The following PCM1 variants were observed in gnomAD, a reference collection of about 807,000 sequenced individuals.
The protein encoded by PCM1 is pericentriolar material 1, also known as pericentriolar material 1 protein.
Under a neutral mutation model 241.9 loss-of-function variants are expected in PCM1, and 157 were observed. The observed-to-expected ratio is 0.65, with a 90% CI of 0.57 to 0.74. The LOEUF is 0.74. Ranked by LOEUF, PCM1 falls within the 30% of genes least tolerant of loss-of-function variation. The probability of loss-of-function intolerance (pLI) is 0.00; values close to 1 mark genes in which losing one functional copy is unlikely to be tolerated. For missense variants in PCM1, 3,478 were observed against 2,360.1 expected, an observed-to-expected ratio of 1.47 and a Z score of -9.81; for synonymous variants, 1,085 against 784.9, an observed-to-expected ratio of 1.38 and a Z score of -6.39.
At chr8:17,947,416 G>A in intron 7 of PCM1, 53 bp downstream of exon 7, 2 of 1,246,472 alleles carry the variant, frequency 1.6e-6, no homozygotes, top group East Asian at 2.4e-5. Flanking sequence ...ATACATAATT[G>A]TATTGCAGGG....
intron 7 of PCM1, 95 bp from the exon 8 acceptor site, chr8:17,950,520 T>A: frequency 1.5e-6 from 1 of 687,912 alleles, no homozygotes; most frequent in Non-Finnish European, 2.5e-6. Flanking sequence ...TGTGAGCTTT[T>A]TAAATTCTTT....
chr8:17,947,277 A>G lies in PCM1; in HGVS notation c.875A>G (p.Gln292Arg). The G allele has an allele frequency of 6.2e-7, 1 of 1,612,246 alleles. No homozygotes were observed. The highest frequency in any genetic ancestry group is 8.5e-7 in the Non-Finnish European group (1 of 1,178,418). ...AAAAGAATGTTACAACAGCAGGAGCAACTAAGAGCTCTACAGGGACGGCAG... is the reference window on the plus strand; with the variant it reads ...AAAAGAATGTTACAACAGCAGGAGCGACTAAGAGCTCTACAGGGACGGCAG... ...LLKRMLQQQE[Q>R]LRALQGRQAA... The change falls in exon 7 of 39, where the codon CAA becomes CGA. Residue 292 changes from glutamine (Q) to arginine (R), a missense_variant. Physicochemically the swap from Gln to Arg is conservative, Grantham distance 43 (BLOSUM62 1). Transcript: ENST00000325083.
rs1259844259 is a variant in PCM1, at chr8:17,941,169, A to G, written c.783+1308A>G. Among the ~76,000 whole-genome samples, 3 of 152,094 alleles carry G rather than the reference A, an allele frequency of 2.0e-5. No homozygotes were observed. The East Asian group carries it at 5.8e-4, about 29-fold the overall frequency. On this transcript the variant is annotated intron_variant, in intron 6 of 38. Coordinates refer to ENST00000325083, the MANE Select transcript of PCM1 (RefSeq NM_006197.4). ...TTTACTGTGGGGAAATTCTTTTTCT[A>G]TTTACAGTGGTGCGAGGCATAATTT...
chr8:18,000,054 T>A (rs2088705438), intron 29 of PCM1, among the ~76,000 whole-genome samples: 1 of 152,154 alleles, frequency 6.6e-6, no homozygotes, highest in Admixed American at 6.5e-5. Context: ...AATTAAAATT[T>A]GGTGATATGA....
chr8:17,928,863 C>T (rs2058051741), intron 2 of PCM1, among the ~76,000 whole-genome samples: 1 of 151,982 alleles, frequency 6.6e-6, no homozygotes, highest in East Asian at 1.9e-4. Flanking sequence ...AACTCCTGAC[C>T]TTAGATGACT....
chr8:17,928,150 C>T (rs1225046399), intron 2 of PCM1, among the ~76,000 whole-genome samples: 1 of 152,164 alleles, frequency 6.6e-6, no homozygotes, highest in African/African-American at 2.4e-5. Context: ...TCTTATCTTA[C>T]TGTCTTTCTG....
chr8:17,953,090 A>G lies in PCM1; in HGVS notation c.1192A>G (p.Ser398Gly). Reference sequence around the variant, plus strand: ...ACCTGATGAGAAAGTCGAACTTTTTAGCAAAATGAGAGTGCTACAGGAAAA... The same window carrying G: ...ACCTGATGAGAAAGTCGAACTTTTTGGCAAAATGAGAGTGCTACAGGAAAA... ...RLPDEKVELF[S>G]KMRVLQEKKQ... The change falls in exon 9 of 39, where the codon AGC becomes GGC. Residue 398 changes from serine to glycine, a missense_variant. Transcript: ENST00000325083. The G allele has an allele frequency of 6.2e-7, 1 of 1,603,348 alleles. No individual in the cohort carries two copies. The highest frequency in any genetic ancestry group is 8.5e-7 in the Non-Finnish European group (1 of 1,174,320).
intron 17 of PCM1, 39 bp from the exon 18 acceptor site, chr8:17,964,529 C>A: frequency 6.6e-7 from 1 of 1,512,558 alleles, no homozygotes; most frequent in South Asian, 1.2e-5. Flanking sequence ...TTTAACTTAT[C>A]TCCAGAATGA....
Position 17,947,361 on chromosome 8 carries a change from C to T in PCM1, c.959C>T (p.Ser320Phe). 1 of 1,583,196 alleles carries T rather than the reference C, an allele frequency of 6.3e-7. No homozygotes were observed. Among genetic ancestry groups the T allele is most frequent in the Non-Finnish European group, 8.6e-7 (1 of 1,164,860 alleles). Residue 320 changes from serine (S) to phenylalanine (F), a missense_variant and splice_region_variant, in exon 7 of 39, where the codon TCT becomes TTT. Ser to Phe is a radical substitution (Grantham distance 155). Transcript: ENST00000325083. ...CAAGCTATTGCAGTGATGGATGATTCTGGTATGTCACAGTCTGAGAATATT... is the reference window on the plus strand; with the variant it reads ...CAAGCTATTGCAGTGATGGATGATTTTGGTATGTCACAGTCTGAGAATATT... ...AEQAIAVMDD[S>F]VVAETAGSLS... is the part of the protein sequence containing the mutation.
rs531328471 is a variant in PCM1 at position 18,013,019 on chromosome 8, G to A, written c.5512-945G>A. Among the ~76,000 whole-genome samples the A allele has an allele frequency of 4.2e-4, 64 of 152,256 alleles. 1 individual carries two copies. Among genetic ancestry groups the A allele is most frequent in the African/African-American group, 1.4e-3 (60 of 41,542 alleles). ...AGTGATATATCAAAAAGCAAGTTAA[G>A]GTTCTTTTGGGCTTCACTGCAGGTA... On this transcript the variant is annotated intron_variant, in intron 34 of 38. Coordinates refer to ENST00000325083, the MANE Select transcript of PCM1 (RefSeq NM_006197.4).
In PCM1 at chr8:18,025,501, T is replaced by G. The variant is rs768630730; in HGVS notation, c.5935-43T>G. Reference sequence around the variant, plus strand: ...ACTTGTCTTTACATAACAAATACTGTTAAAATGAAAAATGATTTGTATTTT... The same window carrying G: ...ACTTGTCTTTACATAACAAATACTGGTAAAATGAAAAATGATTTGTATTTT... On this transcript the variant is annotated intron_variant, in intron 37 of 38. Transcript: ENST00000325083. The G allele has an allele frequency of 5.9e-6, 9 of 1,528,698 alleles. 1 individual carries two copies. In the South Asian group the frequency reaches 9.4e-5, roughly 16 times the overall value. 94.7% of individuals were successfully genotyped at this position (1,528,698 alleles called of 1,614,324 possible).
intron 30 of PCM1, among the ~76,000 whole-genome samples, chr8:18,007,814 A>G (rs75039529): frequency 7.9e-5 from 12 of 152,316 alleles, no homozygotes; most frequent in East Asian, 3.9e-4. Context: ...CGTTTTTACC[A>G]TAACTGTACT....
chr8:17,990,568 C>T (rs543680648), intron 27 of PCM1, among the ~76,000 whole-genome samples: 16 of 149,838 alleles, frequency 1.1e-4, no homozygotes, highest in African/African-American at 3.7e-4. Flanking sequence ...AGAAAAAATT[C>T]GAGTCCTAGA....
chr8:17,995,756 T>C (rs1047470130), intron 29 of PCM1, among the ~76,000 whole-genome samples: 1 of 152,108 alleles, frequency 6.6e-6, no homozygotes, highest in Non-Finnish European at 1.5e-5. Flanking sequence ...TGTTTTATAG[T>C]TTTCATTGTA....
At chr8:17,995,794 T>G (rs1346389456) in intron 29 of PCM1, among the ~76,000 whole-genome samples, 3 of 152,120 alleles carry the variant, frequency 2.0e-5, no homozygotes. Context: ...TGGTTAATTC[T>G]TAGGTATTTA....
rs1371317141 is a variant in PCM1 at position 17,939,807 on chromosome 8, A to G, written c.729A>G (p.Ile243Met). The G allele has an allele frequency of 1.3e-6, 2 of 1,539,060 alleles. No homozygotes were observed. The highest frequency in any genetic ancestry group is 2.4e-5 in the East Asian group (1 of 42,158). The change falls in exon 6 of 39, where the codon ATA (isoleucine) becomes ATG (methionine). Residue 243 changes from isoleucine to methionine, a missense_variant. Coordinates refer to ENST00000325083, the MANE Select transcript of PCM1 (RefSeq NM_006197.4). ...ATGTTGAGCGCCTTACTCATCTAAT[A>G]GATCACCTTAAAGAACAAGAGAAGT... The part of the protein sequence containing the change: ...SANVERLTHL[I>M]DHLKEQEKSY...
intron 35 of PCM1, among the ~76,000 whole-genome samples, chr8:18,014,329 G>A (rs1311445728): frequency 6.6e-6 from 1 of 151,998 alleles, no homozygotes; most frequent in African/African-American, 2.4e-5. Context: ...AAATCTATTT[G>A]TAGGCCTTAT....
rs886899350 is a variant in PCM1, at chr8:18,013,901, A to G, written c.5512-63A>G. On this transcript the variant is annotated intron_variant, in intron 34 of 38. Coordinates refer to ENST00000325083, the MANE Select transcript of PCM1 (RefSeq NM_006197.4). The stretch of plus-strand genomic sequence containing the variant: ...GTTGGACAAAAACTACACACTAGTA[A>G]TCATCTCTTTTATAGTGACCATATA... 14 of 936,590 alleles carry G rather than the reference A, an allele frequency of 1.5e-5. No homozygotes were observed. In the Admixed American group the frequency reaches 2.7e-4, roughly 18 times the overall value. 58.0% of individuals were successfully genotyped at this position (936,590 alleles called of 1,614,324 possible). A position where few individuals can be genotyped will look rare whatever the true frequency, so the allele number is the denominator to read the frequency against.
At chr8:18,016,078 CAG>C in intron 36 of PCM1, among the ~76,000 whole-genome samples, 1 of 152,276 alleles carries the variant, frequency 6.6e-6, no homozygotes, top group East Asian at 1.9e-4. Context: ...TTAGTAGAGA[CAG>C]GGTTTCACCG....
Sources: gnomAD v4.1 joint callset for allele counts (sites outside exome capture counted in the v4.1 genomes callset) on GRCh38, gnomAD v4.1.1 for gene constraint, MANE v1.5 for transcripts, NCBI Gene and HGNC (gene_info 2026-07-23, HGNC 2026-07-21) for gene names.